MAPRE1: variants seen among roughly 807,000 people sequenced by gnomAD.
The protein encoded by MAPRE1 is microtubule-associated protein RP/EB family member 1.
MAPRE1 carries 5 observed loss-of-function variants against 32.1 expected under a neutral mutation model. The ratio of observed to expected loss-of-function variants is 0.16; its 90% CI spans 0.08 to 0.33. MAPRE1 has a LOEUF of 0.33. Ranked by LOEUF, MAPRE1 falls within the 10% of genes least tolerant of loss-of-function variation. The probability of loss-of-function intolerance (pLI) is 1.00; values close to 1 mark genes in which losing one functional copy is unlikely to be tolerated. For missense variants in MAPRE1, 209 were observed against 327.2 expected (o/e 0.64, Z 2.79); for synonymous variants, 122 against 118.9 (o/e 1.03, Z -0.17).
At chr20:32,833,214 A>T (rs1030321598) in intron 2 of MAPRE1, among the ~76,000 whole-genome samples, 3 of 152,144 alleles carry the variant, frequency 2.0e-5, no homozygotes, top group African/African-American at 7.2e-5. Flanking sequence ...AGAAAAGAAA[A>T]GAAATGATAG....
chr20:32,836,844 A>G lies in MAPRE1; in HGVS notation c.475+3A>G. The stretch of plus-strand genomic sequence containing the variant: ...ACCTCTCACTTCTAGCAGTGCAGGT[A>G]AAAAAACAACCCCAAAACGTTTCCA... On this transcript the variant is annotated splice_donor_region_variant and intron_variant, in intron 4 of 6. Transcript: ENST00000375571. 2 of 1,586,768 alleles carry G rather than the reference A, an allele frequency of 1.3e-6. No homozygotes were observed. The highest frequency in any genetic ancestry group is 2.3e-5 in the South Asian group (2 of 85,912).
chr20:32,846,911 C>A, intron 6 of MAPRE1, 141 bp downstream of exon 6: 1 of 834,500 alleles, frequency 1.2e-6, no homozygotes, highest in South Asian at 1.7e-5. Context: ...CAGAGGGCAT[C>A]TCTGCCCAGC....
At chr20:32,831,690 G>A (rs908985255) in intron 2 of MAPRE1, among the ~76,000 whole-genome samples, 1 of 151,608 alleles carries the variant, frequency 6.6e-6, no homozygotes, top group African/African-American at 2.4e-5. Context: ...ACGCCACCAC[G>A]CCTGGCCAAT....
chr20:32,824,869 G>A lies in MAPRE1; in HGVS notation c.-3-1056G>A, dbSNP rs186301463. Among the ~76,000 whole-genome samples, 5 of 151,596 alleles carry A rather than the reference G, an allele frequency of 3.3e-5. No individual in the cohort carries two copies. The East Asian group carries it at 5.8e-4, about 18-fold the overall frequency. ...AAATAGGAATTAATAAAAACCCATCGGGCCAGGCGTGGTGGCTCACGCCTG... is the reference window on the plus strand; with the variant it reads ...AAATAGGAATTAATAAAAACCCATCAGGCCAGGCGTGGTGGCTCACGCCTG... On this transcript the variant is annotated intron_variant, in intron 1 of 6. Transcript: ENST00000375571.
At chr20:32,831,436 G>T (rs1983021789) in intron 2 of MAPRE1, among the ~76,000 whole-genome samples, 1 of 149,190 alleles carries the variant, frequency 6.7e-6, no homozygotes, top group Non-Finnish European at 1.5e-5. Flanking sequence ...TACAATTTTG[G>T]TAACCAGTTT....
chr20:32,844,534 C>G (rs192598467), intron 5 of MAPRE1, among the ~76,000 whole-genome samples: 1 of 141,552 alleles, frequency 7.1e-6, no homozygotes, highest in East Asian at 2.3e-4. Flanking sequence ...CCTGCCTCAA[C>G]CTCCTGAGTA....
At chr20:32,830,904 T>A (rs990635909) in intron 2 of MAPRE1, among the ~76,000 whole-genome samples, 2 of 152,070 alleles carry the variant, frequency 1.3e-5, no homozygotes, top group African/African-American at 4.8e-5. Context: ...TTTTGTATTT[T>A]TAGTAGAGAC....
rs71190879 is a variant in MAPRE1, at chr20:32,835,364, G to GTTTTTTTTTTTTTTTTTTTTT, written c.268-1254_268-1253insTTTTTTTTTTTTTTTTTTTTT. ...TTTTTGTGTGTGTGTTTTTATTGGT[G>GTTTTTTTTTTTTTTTTTTTTT]TTTTTTTTTTTTTTTTGAGATGAGG... On this transcript the variant is annotated intron_variant, in intron 3 of 6. Coordinates refer to ENST00000375571, the MANE Select transcript of MAPRE1 (RefSeq NM_012325.3). Among the ~76,000 whole-genome samples the GTTTTTTTTTTTTTTTTTTTTT allele has an allele frequency of 1.5e-4, 16 of 106,626 alleles. 6 individuals are homozygous for GTTTTTTTTTTTTTTTTTTTTT. The highest frequency in any genetic ancestry group is 5.6e-4 in the African/African-American group (12 of 21,432). The allele number at this position is 106,626 out of a possible 152,430, so 70.0% of individuals were successfully genotyped here.
chr20:32,826,236 T>TTTTTTTTTGA (rs1491215602), intron 2 of MAPRE1, among the ~76,000 whole-genome samples, 188 bp downstream of exon 2: 52 of 104,914 alleles, frequency 5.0e-4, no homozygotes, highest in African/African-American at 2.0e-3. Context: ...TTTTTTTTTT[T>TTTTTTTTTGA]GACAGAGTCT....
At chr20:32,827,591 G>A (rs1399940121) in intron 2 of MAPRE1, among the ~76,000 whole-genome samples, 1 of 151,740 alleles carries the variant, frequency 6.6e-6, no homozygotes, top group South Asian at 2.1e-4. Flanking sequence ...GCCCTGGATC[G>A]ATCTTAAATT....
chr20:32,831,851 A>T (rs1983035744), intron 2 of MAPRE1, among the ~76,000 whole-genome samples: 1 of 151,098 alleles, frequency 6.6e-6, no homozygotes, highest in South Asian at 2.1e-4. Flanking sequence ...TCTTTTTTTT[A>T]ATTGTGTAAA....
chr20:32,846,062 A>G (rs1049434634), intron 5 of MAPRE1, among the ~76,000 whole-genome samples: 6 of 152,244 alleles, frequency 3.9e-5, no homozygotes, highest in Admixed American at 3.9e-4. Flanking sequence ...TATGAGTGTT[A>G]TAACTTTTAT....
intron 1 of MAPRE1, among the ~76,000 whole-genome samples, chr20:32,822,451 C>G (rs539432034): frequency 6.6e-6 from 1 of 152,304 alleles, no homozygotes; most frequent in African/African-American, 2.4e-5. Flanking sequence ...AATTTGAAGA[C>G]TGTTGCAGTG....
intron 4 of MAPRE1, 142 bp from the exon 5 acceptor site, chr20:32,839,593 G>A: frequency 1.8e-6 from 2 of 1,133,044 alleles, no homozygotes; most frequent in Non-Finnish European, 2.5e-6. Flanking sequence ...TGTCTTGCAT[G>A]CGGGGGCTCT....
intron 5 of MAPRE1, among the ~76,000 whole-genome samples, chr20:32,840,598 T>TA (rs1334183801): frequency 3.3e-5 from 5 of 152,118 alleles, no homozygotes; most frequent in Admixed American, 2.6e-4. Context: ...GTGCTGGAGT[T>TA]ACAGGTGTGA....
chr20:32,848,723 T>G lies in MAPRE1; in HGVS notation c.802T>G (p.Tyr268Asp). 1.9e-6 allele frequency: 3 copies of G among 1,611,774 alleles called. No homozygotes were observed. Among genetic ancestry groups the G allele is most frequent in the Non-Finnish European group, 2.5e-6 (3 of 1,179,004 alleles). Residue 268 changes from tyrosine to aspartate, a missense_variant, in exon 7 of 7, where the codon TAT becomes GAT. Around this residue, in one of 3 missense-constraint regions of MAPRE1, gnomAD observed 36 missense variants for 71.9 expected, o/e 0.50. Transcript: ENST00000375571. ...GGGCCCACAGGAGGAGCAAGAAGAG[T>G]ATTAACAGCCTGGACCAGCAGAGCA... is the stretch of plus-strand genomic sequence containing the variant. ...EGGPQEEQEE[Y>D]
rs910344820 is a variant in MAPRE1, at chr20:32,839,823, C to T, written c.564C>T (p.Asn188=). Residue 188 remains asparagine, a synonymous_variant, in exon 5 of 7, where the codon AAC becomes AAT. Transcript: ENST00000375571. ...TGCGAAAGAACCCTGGTGTGGGCAA[C>T]GGAGACGACGAGGCAGCTGAGTTGA... ...GVVRKNPGVG[N]GDDEAAELMQ... 5.6e-6 allele frequency: 9 copies of T among 1,614,038 alleles called. No individual in the cohort carries two copies. Among genetic ancestry groups the T allele is most frequent in the East Asian group, 2.2e-5 (1 of 44,894 alleles).
chr20:32,827,926 T>C (rs1982909898), intron 2 of MAPRE1, among the ~76,000 whole-genome samples: 2 of 146,860 alleles, frequency 1.4e-5, no homozygotes, highest in African/African-American at 5.2e-5. Context: ...CCGTTGCTTA[T>C]AGGATTTTTT....
intron 2 of MAPRE1, among the ~76,000 whole-genome samples, chr20:32,833,434 A>G (rs1473067163): frequency 6.6e-6 from 1 of 152,156 alleles, no homozygotes; most frequent in Non-Finnish European, 1.5e-5. Context: ...TTTTATTGTC[A>G]TGATGATTAC....
Sources: gnomAD v4.1 joint callset for allele counts (sites outside exome capture counted in the v4.1 genomes callset) on GRCh38, gnomAD v4.1.1 for gene constraint, gnomAD v4.1.1 regional missense constraint, MANE v1.5 for transcripts, NCBI Gene and HGNC (gene_info 2026-07-23, HGNC 2026-07-21) for gene names.